Variants in DCDC1 observed in about 807,000 individuals in gnomAD.
DCDC1 encodes the protein doublecortin domain containing 1, also known as doublecortin domain-containing protein 1.
A neutral mutation model predicts 178.3 loss-of-function variants in DCDC1; 200 were observed. That is an observed-to-expected ratio of 1.12 (90% CI 1.00 to 1.26). The LOEUF (loss-of-function observed/expected upper bound fraction) is 1.26. Among genes scored for constraint, DCDC1 ranks in the 50% most tolerant of loss-of-function variants. The pLI is 0.00. For missense variants in DCDC1, 1,983 were observed against 1,749.2 expected, an observed-to-expected ratio of 1.13 and a Z score of -2.38; for synonymous variants, 690 against 604.8, an observed-to-expected ratio of 1.14 and a Z score of -2.07.
intron 8 of DCDC1, among the ~76,000 whole-genome samples, chr11:31,257,130 A>G (rs191153199): frequency 2.0e-5 from 3 of 152,326 alleles, no homozygotes; most frequent in Admixed American, 2.0e-4. Flanking sequence ...ACTGAGTTCT[A>G]CATGCATGAT....
intron 20 of DCDC1, among the ~76,000 whole-genome samples, chr11:31,058,685 TG>T (rs1955739996): frequency 6.6e-6 from 1 of 152,066 alleles, no homozygotes; most frequent in Non-Finnish European, 1.5e-5. Context: ...GATATGGAAC[TG>T]AGGATTCCCA....
At chr11:31,347,801 A>G (rs1435466415) in intron 1 of DCDC1, among the ~76,000 whole-genome samples, 1 of 152,144 alleles carries the variant, frequency 6.6e-6, no homozygotes. Flanking sequence ...GGGCAGTTAT[A>G]CCTGAATAAA....
chr11:31,174,600 G>A (rs1967743236), intron 9 of DCDC1, among the ~76,000 whole-genome samples: 1 of 152,194 alleles, frequency 6.6e-6, no homozygotes, highest in Non-Finnish European at 1.5e-5. Context: ...GGGCAAGGGT[G>A]CCAGGCCCAT....
At chr11:31,172,447 A>G (rs1469699887) in intron 9 of DCDC1, among the ~76,000 whole-genome samples, 1 of 152,140 alleles carries the variant, frequency 6.6e-6, no homozygotes, top group Non-Finnish European at 1.5e-5. Context: ...ATTTACTGAC[A>G]TCAATATAAT....
chr11:31,119,347 C>T (rs955069648), intron 11 of DCDC1, among the ~76,000 whole-genome samples: 9 of 152,136 alleles, frequency 5.9e-5, no homozygotes, highest in East Asian at 1.9e-4. Context: ...TTCAAATGAA[C>T]GCAAAGTTGG....
At chr11:31,016,860 A>C (rs559916695) in intron 20 of DCDC1, among the ~76,000 whole-genome samples, 1 of 152,334 alleles carries the variant, frequency 6.6e-6, no homozygotes, top group African/African-American at 2.4e-5. Context: ...AATATGCACA[A>C]GAGTTTGGAA....
chr11:31,365,912 G>A (rs1362250090), intron 1 of DCDC1, among the ~76,000 whole-genome samples: 2 of 152,092 alleles, frequency 1.3e-5, no homozygotes, highest in African/African-American at 4.8e-5. Context: ...ATTGTTTCTT[G>A]CTGTCATTTG....
chr11:31,266,041 A>G (rs1176338280), intron 7 of DCDC1, among the ~76,000 whole-genome samples: 1 of 151,818 alleles, frequency 6.6e-6, no homozygotes, highest in East Asian at 1.9e-4. Flanking sequence ...AGAGGATATT[A>G]CCATTTAAAT....
chr11:30,904,348 T>C (rs1944912168), intron 31 of DCDC1: 1 of 154,314 alleles, frequency 6.5e-6, no homozygotes, highest in Admixed American at 6.4e-5. Flanking sequence ...AAATATCACT[T>C]GTAAAATACA....
At chr11:30,956,437 G>GA (rs1948779727) in intron 20 of DCDC1, among the ~76,000 whole-genome samples, 1 of 151,928 alleles carries the variant, frequency 6.6e-6, no homozygotes, top group Non-Finnish European at 1.5e-5. Flanking sequence ...CACTATTTTG[G>GA]AAAAATCACA....
chr11:30,925,782 G>A (rs772168269), intron 22 of DCDC1, among the ~76,000 whole-genome samples: 3 of 152,084 alleles, frequency 2.0e-5, no homozygotes, highest in South Asian at 4.2e-4. Flanking sequence ...CTGTGCCTGC[G>A]TTCTTTCTCC....
intron 9 of DCDC1, among the ~76,000 whole-genome samples, chr11:31,175,022 T>C (rs1027848472): frequency 3.9e-5 from 6 of 152,170 alleles, no homozygotes; most frequent in Non-Finnish European, 7.4e-5. Context: ...GCTCACCAAA[T>C]TGCAGTCGAC....
At chr11:31,002,469 C>G (rs1951629397) in intron 20 of DCDC1, among the ~76,000 whole-genome samples, 1 of 152,140 alleles carries the variant, frequency 6.6e-6, no homozygotes, top group Non-Finnish European at 1.5e-5. Flanking sequence ...CCCTCCAATA[C>G]ACCCGCCTGC....
intron 20 of DCDC1, among the ~76,000 whole-genome samples, chr11:31,021,390 G>A (rs1045344728): frequency 1.3e-5 from 2 of 152,086 alleles, no homozygotes; most frequent in Non-Finnish European, 2.9e-5. Context: ...GGAATAATAT[G>A]CATTAAAAAG....
intron 9 of DCDC1, among the ~76,000 whole-genome samples, chr11:31,158,132 G>A (rs1195573117): frequency 4.6e-5 from 7 of 151,790 alleles, no homozygotes; most frequent in East Asian, 1.9e-4. Context: ...TTTTTGAGAC[G>A]GAGTCTCGCT....
At chr11:30,874,252 T>G (rs1035418140) in intron 38 of DCDC1, among the ~76,000 whole-genome samples, 10 of 152,150 alleles carry the variant, frequency 6.6e-5, no homozygotes, top group Non-Finnish European at 1.3e-4. Flanking sequence ...CAGGTGCTTG[T>G]TAAAATGCAG....
At chr11:31,131,969 TACA>T (rs570384229) in intron 10 of DCDC1, among the ~76,000 whole-genome samples, 106 of 152,298 alleles carry the variant, frequency 7.0e-4, no homozygotes, top group Middle Eastern at 3.4e-3. Flanking sequence ...CAACCAACCA[TACA>T]ATTGATGATG....
chr11:31,182,254 T>C (rs1968902697), intron 9 of DCDC1, among the ~76,000 whole-genome samples: 1 of 152,056 alleles, frequency 6.6e-6, no homozygotes, highest in African/African-American at 2.4e-5. Context: ...ACCACAAAGA[T>C]ACTCCTCGAG....
rs563850825 is a variant in DCDC1 at position 30,972,456 on chromosome 11, A to G, written c.2592-19888T>C. Among the ~76,000 whole-genome samples the G allele has an allele frequency of 2.0e-5, 3 of 152,286 alleles. No homozygotes were observed. The South Asian group carries it at 6.2e-4, about 32-fold the overall frequency. The stretch of plus-strand genomic sequence containing the variant: ...TTGTTATCACTAGACCAGCCCTACA[A>G]AAAATGCTTAAAATCCTACACTTGG... On this transcript the variant is annotated intron_variant, in intron 20 of 38. Transcript: ENST00000684477.
Sources: gnomAD v4.1 joint callset for allele counts (sites outside exome capture counted in the v4.1 genomes callset) on GRCh38, gnomAD v4.1.1 for gene constraint, MANE v1.5 for transcripts, NCBI Gene and HGNC (gene_info 2026-07-23, HGNC 2026-07-21) for gene names.